RPTOR: variants seen among roughly 807,000 people sequenced by gnomAD.
RPTOR encodes regulatory-associated protein of mTOR.
In RPTOR, 21 loss-of-function variants were observed where a neutral mutation model predicts 169.9. The observed-to-expected ratio is 0.12, with a 90% CI of 0.09 to 0.18. The LOEUF (loss-of-function observed/expected upper bound fraction) is 0.18, where lower values mean the gene tolerates loss of function less well. Among genes scored for constraint, RPTOR ranks in the 10% least tolerant of loss-of-function variants. RPTOR has a pLI of 1.00. For synonymous variants in RPTOR, 732 were observed against 753.2 expected, an observed-to-expected ratio of 0.97 and a Z score of 0.46; for missense variants, 1,133 against 1,855.9, an observed-to-expected ratio of 0.61 and a Z score of 7.16.
chr17:80,960,231 C>T lies in RPTOR; in HGVS notation c.3605+26C>T, dbSNP rs2069318113. 1 of 1,612,392 alleles carries T rather than the reference C, an allele frequency of 6.2e-7. No individual in the cohort carries two copies. Among genetic ancestry groups the T allele is most frequent in the South Asian group, 1.1e-5 (1 of 91,066 alleles). On this transcript the variant is annotated intron_variant, in intron 30 of 33. Coordinates refer to ENST00000306801, the MANE Select transcript of RPTOR (RefSeq NM_020761.3). The surrounding 1 kb of genome is among the most constrained non-coding windows in gnomAD (Gnocchi z 4.8). The stretch of plus-strand genomic sequence containing the variant: ...GTACCTTGACCCTGTCCTCTCCCTC[C>T]CCGAGTGCTGGCAGGGTACCTTCCA...
At chr17:80,585,289 C>T (rs2065050873) in intron 1 of RPTOR, among the ~76,000 whole-genome samples, 1 of 151,504 alleles carries the variant, frequency 6.6e-6, no homozygotes, top group South Asian at 2.1e-4. Context: ...ACTGCAAACT[C>T]CGCTTCCCGG....
At chr17:80,634,683 CGTACTGTGTGCGTGTGCGTACTGTGT>C (rs2065486476) in intron 2 of RPTOR, among the ~76,000 whole-genome samples, 1 of 41,996 alleles carries the variant, frequency 2.4e-5, no homozygotes, top group African/African-American at 8.8e-5. Flanking sequence ...ACTGTGTGTG[CGTACTGTGTGCGTGTGCGTACTGTGT>C]GTGTGCGTAC....
At chr17:80,893,418 G>A (rs886621463) in intron 19 of RPTOR, among the ~76,000 whole-genome samples, 1 of 138,656 alleles carries the variant, frequency 7.2e-6, no homozygotes, top group Non-Finnish European at 1.5e-5. Flanking sequence ...GTGTACAAGG[G>A]TGTGTGTGTG....
At chr17:80,691,606 G>C (rs1002685349) in intron 3 of RPTOR, among the ~76,000 whole-genome samples, 4 of 152,234 alleles carry the variant, frequency 2.6e-5, no homozygotes, top group Admixed American at 1.3e-4. Context: ...CAGTTCTCGC[G>C]GTCCTCAATT....
intron 5 of RPTOR, among the ~76,000 whole-genome samples, chr17:80,743,827 CTACTAGCACAGCCCTGGT>C (rs1567887440): frequency 1.3e-4 from 4 of 30,646 alleles, no homozygotes; most frequent in Admixed American, 1.1e-3. Context: ...AGAGCCCTGG[CTACTAGCACAGCCCTGGT>C]TACTAGCAGA....
At chr17:80,629,800 C>T (rs1429721313) in intron 2 of RPTOR, among the ~76,000 whole-genome samples, 1 of 145,008 alleles carries the variant, frequency 6.9e-6, no homozygotes, top group Non-Finnish European at 1.5e-5. Context: ...TTGTGTCTCT[C>T]TCTTCTGGGA....
intron 4 of RPTOR, among the ~76,000 whole-genome samples, chr17:80,719,008 G>A (rs1447432829): frequency 6.6e-6 from 1 of 152,198 alleles, no homozygotes; most frequent in East Asian, 1.9e-4. Context: ...GAGTTAGAGG[G>A]AGCAGGTGAG....
At chr17:80,717,111 TG>T (rs1420311733) in intron 4 of RPTOR, among the ~76,000 whole-genome samples, 1 of 152,198 alleles carries the variant, frequency 6.6e-6, no homozygotes, top group Non-Finnish European at 1.5e-5. Flanking sequence ...TGAAGAATGA[TG>T]GTGGTATTTT....
intron 10 of RPTOR, 67 bp from the exon 11 acceptor site, chr17:80,846,406 G>T: frequency 6.7e-7 from 1 of 1,483,570 alleles, no homozygotes. Flanking sequence ...GCAGGTGGCA[G>T]GGGTGGGCAA....
At chr17:80,805,913 G>C (rs2067213939) in intron 7 of RPTOR, among the ~76,000 whole-genome samples, 1 of 152,088 alleles carries the variant, frequency 6.6e-6, no homozygotes, top group Admixed American at 6.5e-5. Context: ...TCTGCTTACT[G>C]TTAAGTCAGG....
At chr17:80,702,613 T>C (rs2066110467) in intron 3 of RPTOR, among the ~76,000 whole-genome samples, 1 of 152,234 alleles carries the variant, frequency 6.6e-6, no homozygotes, top group East Asian at 1.9e-4. Flanking sequence ...GGAGGCGTAT[T>C]ATTAATATCT....
chr17:80,742,573 CACAT>C (rs1412509966), intron 5 of RPTOR, among the ~76,000 whole-genome samples: 8 of 142,202 alleles, frequency 5.6e-5, no homozygotes, highest in African/African-American at 1.1e-4. Context: ...TGTATGCACA[CACAT>C]AGACATATAT....
intron 6 of RPTOR, among the ~76,000 whole-genome samples, chr17:80,786,144 G>A (rs2066989148): frequency 6.6e-6 from 1 of 152,200 alleles, no homozygotes; most frequent in Non-Finnish European, 1.5e-5. Context: ...GTGAAAGTTA[G>A]ACTGACGCAC....
chr17:80,780,779 G>C (rs72852757), intron 6 of RPTOR, among the ~76,000 whole-genome samples: 37,211 of 151,760 alleles, frequency 0.25, 4,614 homozygotes, highest in South Asian at 0.27. Flanking sequence ...CCCTCCCCCC[G>C]GGGGGCCTCA....
intron 1 of RPTOR, among the ~76,000 whole-genome samples, chr17:80,604,749 C>A (rs1285699671): frequency 2.0e-5 from 3 of 152,084 alleles, no homozygotes; most frequent in African/African-American, 4.8e-5. Flanking sequence ...TGTAGGGGAA[C>A]TCCCCTTTAT....
rs2066519107 is a variant in RPTOR at position 80,743,842 on chromosome 17, TGGTTA to T, written c.655-10167_655-10163del. Among the ~76,000 whole-genome samples the T allele has an allele frequency of 6.2e-5, 8 of 128,682 alleles. 1 individual carries two copies. The highest frequency in any genetic ancestry group is 5.9e-5 in the African/African-American group (2 of 34,186). 84.4% of individuals were successfully genotyped at this position (128,682 alleles called of 152,430 possible). ...AGAGCCCTGGCTACTAGCACAGCCC[TGGTTA>T]CTAGCAGAGCCCTGGCTACTAGCAC... On this transcript the variant is annotated intron_variant, in intron 5 of 33. Transcript: ENST00000306801.
chr17:80,550,489 T>C (rs1028937524), intron 1 of RPTOR, among the ~76,000 whole-genome samples: 4 of 152,200 alleles, frequency 2.6e-5, no homozygotes, highest in Admixed American at 1.3e-4. Context: ...GGGCCCATGA[T>C]TTTAAATAGT....
rs375403881 is a variant in RPTOR, at chr17:80,744,073, T to C, written c.655-9937T>C. Reference sequence around the variant, plus strand: ...AGCACAGCCCTGGCTACTAGCACTGTCCTGGTTACGAGCACAGCCCTGGTT... The same window carrying C: ...AGCACAGCCCTGGCTACTAGCACTGCCCTGGTTACGAGCACAGCCCTGGTT... On this transcript the variant is annotated intron_variant, in intron 5 of 33. Transcript: ENST00000306801. Among the ~76,000 whole-genome samples the C allele has an allele frequency of 3.2e-3, 57 of 17,862 alleles. 2 individuals carry two copies. Among genetic ancestry groups the C allele is most frequent in the African/African-American group, 0.015 (35 of 2,292 alleles). 11.7% of individuals were successfully genotyped at this position (17,862 alleles called of 152,430 possible).
intron 7 of RPTOR, among the ~76,000 whole-genome samples, chr17:80,807,812 G>C (rs895293876): frequency 6.6e-6 from 1 of 152,048 alleles, no homozygotes; most frequent in East Asian, 1.9e-4. Context: ...CTGCCAGATA[G>C]TATATGCCTT....
Sources: allele counts gnomAD v4.1 joint callset (sites outside exome capture counted in the v4.1 genomes callset), GRCh38; gene constraint gnomAD v4.1.1; non-coding constraint Gnocchi (gnomAD v3.1); transcripts MANE v1.5; gene names NCBI Gene and HGNC (gene_info 2026-07-23, HGNC 2026-07-21).